Variants in TXNRD1 observed in about 807,000 individuals in gnomAD.
TXNRD1 encodes the protein thioredoxin reductase 1, also known as thioredoxin reductase 1, cytoplasmic.
Under a neutral mutation model 80.3 loss-of-function variants are expected in TXNRD1, and 57 were observed. That is an observed-to-expected ratio of 0.71 (90% CI 0.57 to 0.89). The LOEUF is 0.89. Ranked by LOEUF, TXNRD1 falls within the 40% of genes least tolerant of loss-of-function variation. The probability of loss-of-function intolerance (pLI) is 0.00; values close to 1 mark genes in which losing one functional copy is unlikely to be tolerated. For missense variants in TXNRD1, 730 were observed against 803.0 expected (o/e 0.91, Z 1.10); for synonymous variants, 291 against 285.2 (o/e 1.02, Z -0.20).
chr12:104,344,565 TC>T (rs1367860011), intron 16 of TXNRD1, among the ~76,000 whole-genome samples: 2 of 152,186 alleles, frequency 1.3e-5, no homozygotes, highest in African/African-American at 4.8e-5. Flanking sequence ...ATCAATCATC[TC>T]AAACATTGAC....
At position 104,250,346 on chromosome 12, in the gene TXNRD1, A is replaced by C. The variant is rs142461529; in HGVS notation, c.92-1181A>C. 2.4e-3 allele frequency among the ~76,000 whole-genome samples: 363 copies of C among 152,356 alleles called. 2 individuals carry two copies. In the Middle Eastern group the frequency reaches 0.031, roughly 13 times the overall value. ...TCCTTGTGACTTTGGAATAGGCAAT[A>C]GTTTCTTAGATATGACACCAAAAGT... On this transcript the variant is annotated intron_variant, in intron 1 of 16. Coordinates refer to ENST00000525566, the MANE Select transcript of TXNRD1 (RefSeq NM_001093771.3).
intron 5 of TXNRD1, among the ~76,000 whole-genome samples, chr12:104,313,022 C>T (rs562147941): frequency 6.6e-6 from 1 of 152,236 alleles, no homozygotes; most frequent in East Asian, 1.9e-4. Flanking sequence ...TTTTACTACT[C>T]TATTCTGCAT....
intron 7 of TXNRD1, among the ~76,000 whole-genome samples, chr12:104,318,470 T>A (rs1260588982): frequency 6.6e-6 from 1 of 152,194 alleles, no homozygotes; most frequent in East Asian, 1.9e-4. Flanking sequence ...AAGCTTTATT[T>A]ACAAAAAGCT....
intron 3 of TXNRD1, chr12:104,265,426 G>A: frequency 3.1e-6 from 5 of 1,602,356 alleles, no homozygotes; most frequent in Non-Finnish European, 3.4e-6. Flanking sequence ...TCATGTCGTC[G>A]CCAAGTCCCG....
chr12:104,276,927 A>AT (rs1204940047), intron 3 of TXNRD1, among the ~76,000 whole-genome samples: 2 of 152,132 alleles, frequency 1.3e-5, no homozygotes. Context: ...ATGTAAACAG[A>AT]TGTCTTTCAT....
intron 3 of TXNRD1, chr12:104,265,893 G>GAAA (rs34390973): frequency 5.6e-4 from 324 of 575,294 alleles, no homozygotes; most frequent in South Asian, 2.0e-3. Context: ...CGCCCCGGTG[G>GAAA]AAAAAAAAAA....
chr12:104,273,684 G>A (rs921747480), intron 3 of TXNRD1, among the ~76,000 whole-genome samples: 2 of 152,218 alleles, frequency 1.3e-5, no homozygotes, highest in Admixed American at 6.5e-5. Context: ...AGCAAGTACC[G>A]CCCCGACCTG....
intron 5 of TXNRD1, among the ~76,000 whole-genome samples, chr12:104,312,089 T>C (rs2035158210): frequency 6.6e-6 from 1 of 152,118 alleles, no homozygotes; most frequent in African/African-American, 2.4e-5. Context: ...TTAGTTAATA[T>C]TTCTTAGTTA....
intron 1 of TXNRD1, among the ~76,000 whole-genome samples, chr12:104,249,230 T>C (rs552736621): frequency 8.1e-4 from 124 of 152,306 alleles, no homozygotes; most frequent in Admixed American, 2.7e-3. Flanking sequence ...TGTCCTCACA[T>C]GGTGGAAGGG....
rs368590314 is a variant in TXNRD1, at chr12:104,221,466, C to A, written c.91+5573C>A. On this transcript the variant is annotated intron_variant, in intron 1 of 16. Transcript: ENST00000525566. ...CCAAGTAGCTGGGATTACAGGCATG[C>A]ACCACAACGCCCGACTAATTTTGTA... Among the ~76,000 whole-genome samples the A allele has an allele frequency of 5.9e-5, 9 of 152,176 alleles. No individual in the cohort carries two copies. The East Asian group carries it at 7.8e-4, about 13-fold the overall frequency.
chr12:104,317,981 A>G (rs2035389252), intron 7 of TXNRD1, among the ~76,000 whole-genome samples: 1 of 152,198 alleles, frequency 6.6e-6, no homozygotes, highest in South Asian at 2.1e-4. Context: ...CTCTACTAAA[A>G]ATATAAACAA....
At chr12:104,345,825 T>G (rs1408152824) in intron 16 of TXNRD1, among the ~76,000 whole-genome samples, 1 of 152,192 alleles carries the variant, frequency 6.6e-6, no homozygotes, top group African/African-American at 2.4e-5. Flanking sequence ...CTTCTGCGGC[T>G]GGAAGTGGTG....
Position 104,334,247 on chromosome 12 carries a change from G to A in TXNRD1, c.1661G>A (p.Ser554Asn), listed in dbSNP as rs1200228142. 4 of 1,519,520 alleles carry A rather than the reference G, an allele frequency of 2.6e-6. No individual in the cohort carries two copies. The highest frequency in any genetic ancestry group is 3.5e-6 in the Non-Finnish European group (4 of 1,131,466). The allele number at this position is 1,519,520 out of a possible 1,614,324, so 94.1% of individuals were successfully genotyped here. ...FGEENIEVYH[S>N]YFWPLEWTIP... ...TTTGTATCTTCTTAGGTTTACCATA[G>A]TTACTTTTGGCCATTGGAATGGACG... The change falls in exon 15 of 17, where the codon AGT becomes AAT. Residue 554 changes from serine (S) to asparagine (N), a missense_variant. Coordinates refer to ENST00000525566, the MANE Select transcript of TXNRD1 (RefSeq NM_001093771.3).
chr12:104,221,504 A>G (rs2032358065), intron 1 of TXNRD1, among the ~76,000 whole-genome samples: 1 of 152,016 alleles, frequency 6.6e-6, no homozygotes, highest in Admixed American at 6.6e-5. Flanking sequence ...TTTTGTAAAG[A>G]CAAGGGTTTC....
At chr12:104,230,803 T>G (rs1402619936) in intron 1 of TXNRD1, among the ~76,000 whole-genome samples, 1 of 151,900 alleles carries the variant, frequency 6.6e-6, no homozygotes, top group Non-Finnish European at 1.5e-5. Context: ...CTGGAGGAGG[T>G]GGTGTCTGAT....
intron 4 of TXNRD1, chr12:104,303,783 C>T (rs61937909): frequency 1.0e-5 from 13 of 1,274,320 alleles, no homozygotes; most frequent in South Asian, 1.6e-5. Flanking sequence ...TTTCCACACG[C>T]TGGGAGGGCC....
At chr12:104,234,918 G>A (rs59227440) in intron 1 of TXNRD1, among the ~76,000 whole-genome samples, 2,317 of 152,250 alleles carry the variant, frequency 0.015, 54 homozygotes, top group African/African-American at 0.053. Flanking sequence ...TTTCTATGGT[G>A]TTTTTCCTTC....
In TXNRD1 at chr12:104,349,172, C is replaced by T. The variant is rs1335169235; in HGVS notation, c.*751C>T. 6.6e-6 allele frequency: 1 copy of T among 152,218 alleles called. No individual in the cohort carries two copies. The highest frequency in any genetic ancestry group is 1.9e-4 in the East Asian group (1 of 5,202). The allele number at this position is 152,218 out of a possible 1,614,324, so 9.4% of individuals were successfully genotyped here. On this transcript the variant is annotated 3_prime_UTR_variant, in exon 17 of 17. Coordinates refer to ENST00000525566, the MANE Select transcript of TXNRD1 (RefSeq NM_001093771.3). ...GCATTTGGTAGTATAGTATGATTCT[C>T]ACCATTATTTGTCATGGAGGCAGAC...
chr12:104,334,948 T>A (rs942656383), intron 15 of TXNRD1, among the ~76,000 whole-genome samples: 2 of 152,098 alleles, frequency 1.3e-5, no homozygotes, highest in Non-Finnish European at 2.9e-5. Context: ...CTAAATATAA[T>A]GAATAACAAA....
Sources: gnomAD v4.1 joint callset for allele counts (sites outside exome capture counted in the v4.1 genomes callset) on GRCh38, gnomAD v4.1.1 for gene constraint, MANE v1.5 for transcripts, NCBI Gene and HGNC (gene_info 2026-07-23, HGNC 2026-07-21) for gene names.